AFG2A: variants seen among roughly 807,000 people sequenced by gnomAD.
AFG2A encodes the protein ATPase family gene 2 protein homolog A.
At chr4:123,161,748 A>G in the AFG2A span, among the ~76,000 whole-genome samples, 2 of 152,214 alleles carry the variant, frequency 1.3e-5, no homozygotes, top group African/African-American at 4.8e-5. Flanking sequence ...ATTAGAAGAA[A>G]CAGAAACTGT....
At chr4:122,964,066 C>G in the AFG2A span, among the ~76,000 whole-genome samples, 3 of 151,978 alleles carry the variant, frequency 2.0e-5, no homozygotes, top group African/African-American at 7.2e-5. Flanking sequence ...AAACAAAACT[C>G]AGTATTTTAG....
the AFG2A span, among the ~76,000 whole-genome samples, chr4:123,072,209 T>G: frequency 6.6e-6 from 1 of 152,224 alleles, no homozygotes; most frequent in Non-Finnish European, 1.5e-5. Context: ...CTCACAGCAC[T>G]ATTATTGGGA....
the AFG2A span, among the ~76,000 whole-genome samples, chr4:123,196,607 G>A: frequency 3.3e-5 from 5 of 152,106 alleles, no homozygotes; most frequent in South Asian, 2.1e-4. Context: ...GAGGAATTTC[G>A]TATGGTGCCT....
the AFG2A span, among the ~76,000 whole-genome samples, chr4:123,196,304 C>G: frequency 6.6e-6 from 1 of 151,564 alleles, no homozygotes; most frequent in East Asian, 1.9e-4. Flanking sequence ...CCACCGCGCC[C>G]GGCCACATCC....
chr4:123,279,363 T>C, the AFG2A span, among the ~76,000 whole-genome samples: 3 of 151,530 alleles, frequency 2.0e-5, no homozygotes, highest in East Asian at 5.8e-4. Context: ...TGAGCCAGGA[T>C]CATGCCACGG....
the AFG2A span, among the ~76,000 whole-genome samples, chr4:122,997,144 T>G: frequency 1.3e-5 from 2 of 152,326 alleles, no homozygotes; most frequent in East Asian, 1.9e-4. Flanking sequence ...ATGTTTTTGT[T>G]GGGTAACAGC....
the AFG2A span, among the ~76,000 whole-genome samples, chr4:123,092,160 C>T: frequency 1.3e-5 from 2 of 152,096 alleles, no homozygotes; most frequent in Non-Finnish European, 2.9e-5. Context: ...TAAGGCATCT[C>T]TGAAGTCTAT....
chr4:123,051,900 A>G, the AFG2A span, among the ~76,000 whole-genome samples: 6 of 152,038 alleles, frequency 3.9e-5, no homozygotes, highest in African/African-American at 7.2e-5. Flanking sequence ...GTTTAATTAT[A>G]AATCTTGGGT....
the AFG2A span, among the ~76,000 whole-genome samples, chr4:123,299,773 T>G: frequency 2.6e-5 from 4 of 152,216 alleles, no homozygotes; most frequent in African/African-American, 9.7e-5. Context: ...TTACTCAACT[T>G]TAGGTCTTCA....
the AFG2A span, among the ~76,000 whole-genome samples, chr4:123,124,963 A>G: frequency 6.6e-6 from 1 of 152,210 alleles, no homozygotes; most frequent in South Asian, 2.1e-4. Flanking sequence ...TCACCAGGAA[A>G]CATATTACTT....
the AFG2A span, among the ~76,000 whole-genome samples, chr4:123,109,959 G>A: frequency 7.9e-5 from 12 of 152,040 alleles, no homozygotes; most frequent in Non-Finnish European, 1.2e-4. Context: ...CAAATAATTT[G>A]CTGAGCTAAA....
the AFG2A span, among the ~76,000 whole-genome samples, chr4:123,116,887 A>C: frequency 6.6e-6 from 1 of 152,126 alleles, no homozygotes; most frequent in Admixed American, 6.5e-5. Context: ...CATGAAATGA[A>C]ACTTCTACTT....
the AFG2A span, among the ~76,000 whole-genome samples, chr4:123,027,703 T>C: frequency 6.6e-6 from 1 of 152,192 alleles, no homozygotes; most frequent in Admixed American, 6.5e-5. Flanking sequence ...TATTTCTTAG[T>C]TGAGAAAAAT....
At chr4:123,172,407 T>G in the AFG2A span, among the ~76,000 whole-genome samples, 7 of 152,232 alleles carry the variant, frequency 4.6e-5, no homozygotes, top group Non-Finnish European at 1.5e-5. Flanking sequence ...GAAGGCTTCA[T>G]TAGTCTTAAT....
the AFG2A span, among the ~76,000 whole-genome samples, chr4:123,024,791 C>CAGTAG: frequency 6.6e-6 from 1 of 152,136 alleles, no homozygotes; most frequent in Non-Finnish European, 1.5e-5. Context: ...TTCTAAAAGA[C>CAGTAG]AGTAGGCCTT....
the AFG2A span, chr4:122,979,290 G>A: frequency 6.2e-7 from 1 of 1,614,240 alleles, no homozygotes; most frequent in South Asian, 1.1e-5. Context: ...ATGTCAAGGT[G>A]GCTGGACTGG....
the AFG2A span, among the ~76,000 whole-genome samples, chr4:123,096,641 C>G: frequency 4.6e-5 from 7 of 151,984 alleles, no homozygotes; most frequent in African/African-American, 1.7e-4. Flanking sequence ...TAACAAGCTC[C>G]TAATAAGAAC....
At chr4:123,053,738 G>T in the AFG2A span, among the ~76,000 whole-genome samples, 1 of 152,260 alleles carries the variant, frequency 6.6e-6, no homozygotes, top group East Asian at 1.9e-4. Flanking sequence ...GGCCCCCTTG[G>T]ACTCTGCTGT....
At chr4:123,285,518 A>G in the AFG2A span, among the ~76,000 whole-genome samples, 1 of 152,072 alleles carries the variant, frequency 6.6e-6, no homozygotes, top group Non-Finnish European at 1.5e-5. Context: ...AGCCCACCCT[A>G]TGCCACCTCT....
Sources: allele counts gnomAD v4.1 joint callset (sites outside exome capture counted in the v4.1 genomes callset), GRCh38; gene constraint gnomAD v4.1.1; transcripts MANE v1.5; gene names NCBI Gene and HGNC (gene_info 2026-07-23, HGNC 2026-07-21).